The following NAPG variants were observed in gnomAD, a reference collection of about 807,000 sequenced individuals.
NAPG encodes NSF attachment protein gamma.
Under a neutral mutation model 48.4 loss-of-function variants are expected in NAPG, and 25 were observed. The ratio of observed to expected loss-of-function variants is 0.52; its 90% CI spans 0.38 to 0.72. The LOEUF is 0.72. NAPG is among the 30% of genes least tolerant of loss of function. NAPG has a pLI of 0.00. For missense variants in NAPG, 359 were observed against 372.5 expected (o/e 0.96, Z 0.30); for synonymous variants, 139 against 127.2 (o/e 1.09, Z -0.62).
In NAPG at chr18:10,551,970, G is replaced by A. The variant is rs1430205320; in HGVS notation, c.*1750G>A. On this transcript the variant is annotated 3_prime_UTR_variant, in exon 12 of 12. Coordinates refer to ENST00000322897, the MANE Select transcript of NAPG (RefSeq NM_003826.3). ...CATTTGCATTTAAGGACATTGCAGT[G>A]TTTCAAAGATCCCATCATTGCAGCT... 1 of 152,138 alleles carries A rather than the reference G, an allele frequency of 6.6e-6. No individual in the cohort carries two copies. Among genetic ancestry groups the A allele is most frequent in the Non-Finnish European group, 1.5e-5 (1 of 68,032 alleles). 9.4% of individuals were successfully genotyped at this position (152,138 alleles called of 1,614,324 possible).
chr18:10,529,762 A>G (rs760735579), intron 1 of NAPG, among the ~76,000 whole-genome samples: 1 of 152,176 alleles, frequency 6.6e-6, no homozygotes, highest in African/African-American at 2.4e-5. Context: ...CAAGAAAAAA[A>G]AAGAAGCTAT....
At chr18:10,541,684 C>T (rs611684) in intron 8 of NAPG, among the ~76,000 whole-genome samples, 51,563 of 151,982 alleles carry the variant, frequency 0.34, 8,823 homozygotes, top group East Asian at 0.39. Flanking sequence ...TGATGCTCCC[C>T]GACAAGACTC....
At position 10,546,814 on chromosome 18, in the gene NAPG, C is replaced by T. The variant is rs918051968; in HGVS notation, c.585+410C>T. Among the ~76,000 whole-genome samples the T allele has an allele frequency of 5.9e-5, 9 of 152,158 alleles. No homozygotes were observed. The highest frequency in any genetic ancestry group is 1.2e-4 in the Non-Finnish European group (8 of 68,028). On this transcript the variant is annotated intron_variant, in intron 9 of 11. Coordinates refer to ENST00000322897, the MANE Select transcript of NAPG (RefSeq NM_003826.3). This position sits in a 1 kb window ranked among gnomAD's most constrained non-coding sequence, Gnocchi z 4.0. ...GCAACAATGAAAACTCCAAAAGAAA[C>T]CCCGCCTTTCTAACCAGCAATGGGA...
intron 3 of NAPG, chr18:10,533,240 TTCTC>T (rs2031966771): frequency 6.4e-6 from 2 of 313,884 alleles, no homozygotes; most frequent in Non-Finnish European, 1.2e-5. Context: ...TAAAAAATGT[TTCTC>T]TTATTTGCAA....
intron 5 of NAPG, among the ~76,000 whole-genome samples, chr18:10,536,819 T>G (rs1367087174): frequency 6.6e-6 from 1 of 152,208 alleles, no homozygotes; most frequent in Non-Finnish European, 1.5e-5. Flanking sequence ...ACATTATATA[T>G]GTAATTAGTG....
chr18:10,544,938 GT>G lies in NAPG; in HGVS notation c.507-1387del, dbSNP rs1254488592. ...AGATTCAGTTTAACTCATGATGTAAGTAGCCATAATAGCATAAGCCAAGCCA... is the reference window on the plus strand; with the variant it reads ...AGATTCAGTTTAACTCATGATGTAAGAGCCATAATAGCATAAGCCAAGCCA... On this transcript the variant is annotated intron_variant, in intron 8 of 11. Transcript: ENST00000322897. This position sits in a 1 kb window ranked among gnomAD's most constrained non-coding sequence, Gnocchi z 5.1. Among the ~76,000 whole-genome samples the G allele has an allele frequency of 1.3e-5, 2 of 152,144 alleles. No individual in the cohort carries two copies. The highest frequency in any genetic ancestry group is 2.4e-5 in the African/African-American group (1 of 41,424).
At chr18:10,527,546 C>A (rs2031844124) in intron 1 of NAPG, among the ~76,000 whole-genome samples, 1 of 152,064 alleles carries the variant, frequency 6.6e-6, no homozygotes, top group Non-Finnish European at 1.5e-5. Context: ...GGAATAGGGA[C>A]CACAAAAAAG....
rs1412941289 is a variant in NAPG, at chr18:10,546,015, C to T, written c.507-311C>T. On this transcript the variant is annotated intron_variant, in intron 8 of 11. Coordinates refer to ENST00000322897, the MANE Select transcript of NAPG (RefSeq NM_003826.3). This position sits in a 1 kb window ranked among gnomAD's most constrained non-coding sequence, Gnocchi z 4.0. ...ATTTAATCGAAGATCGTCTCAAGTA[C>T]GTATCACGAAGAAGTCGTGACACTC... Among the ~76,000 whole-genome samples the T allele has an allele frequency of 2.6e-5, 4 of 152,194 alleles. No homozygotes were observed. The highest frequency in any genetic ancestry group is 7.2e-5 in the African/African-American group (3 of 41,446).
At chr18:10,540,135 G>A in intron 7 of NAPG, 81 bp downstream of exon 7, 2 of 1,257,160 alleles carry the variant, frequency 1.6e-6, no homozygotes, top group South Asian at 2.9e-5. Context: ...GAAGTGCAGT[G>A]GCTACTTTTA....
intron 3 of NAPG, 185 bp downstream of exon 3, chr18:10,532,980 CA>C (rs2031960546): frequency 1.8e-6 from 1 of 540,622 alleles, no homozygotes; most frequent in South Asian, 2.9e-5. Context: ...TTATAAGGTC[CA>C]CACTGGTTCG....
chr18:10,532,901 T>C (rs2031958593), intron 3 of NAPG, 106 bp downstream of exon 3: 2 of 939,182 alleles, frequency 2.1e-6, no homozygotes, highest in South Asian at 3.5e-5. Context: ...AAAATGTTTT[T>C]AAATTAGAAA....
At chr18:10,538,067 CT>C (rs1182843020) in intron 5 of NAPG, among the ~76,000 whole-genome samples, 1 of 142,764 alleles carries the variant, frequency 7.0e-6, no homozygotes, top group African/African-American at 2.7e-5. Context: ...TTATAACTAG[CT>C]TTTAAACGGT....
At chr18:10,526,239 C>CCTTAGCCCCGGGGGGGGGG in intron 1 of NAPG, 81 bp downstream of exon 1, 7 of 349,030 alleles carry the variant, frequency 2.0e-5, no homozygotes, top group East Asian at 1.4e-4. Flanking sequence ...CCGGGGGGGG[C>CCTTAGCCCCGGGGGGGGGG]GGGAGGGAGG....
chr18:10,539,021 G>A lies in NAPG; in HGVS notation c.259-741G>A, dbSNP rs1230938285. Reference sequence around the variant, plus strand: ...AACAATAGATGCTGGCCAGGCTGTGGAGAAATAGGAAAGTTTTTATACTGT... The same window carrying A: ...AACAATAGATGCTGGCCAGGCTGTGAAGAAATAGGAAAGTTTTTATACTGT... On this transcript the variant is annotated intron_variant, in intron 5 of 11. Transcript: ENST00000322897. This position sits in a 1 kb window ranked among gnomAD's most constrained non-coding sequence, Gnocchi z 4.7. 6.6e-6 allele frequency: 1 copy of A among 152,190 alleles called. No individual in the cohort carries two copies. Among genetic ancestry groups the A allele is most frequent in the East Asian group, 1.9e-4 (1 of 5,180 alleles). The allele number at this position is 152,190 out of a possible 1,614,324, so 9.4% of individuals were successfully genotyped here. A position where few individuals can be genotyped will look rare whatever the true frequency, so the allele number is the denominator to read the frequency against.
Position 10,546,020 on chromosome 18 carries a change from C to CA in NAPG, c.507-305dup, listed in dbSNP as rs1160736327. On this transcript the variant is annotated intron_variant, in intron 8 of 11. Transcript: ENST00000322897. The surrounding 1 kb of genome is among the most constrained non-coding windows in gnomAD (Gnocchi z 4.0). ...ATCGAAGATCGTCTCAAGTACGTAT[C>CA]ACGAAGAAGTCGTGACACTCGCTAT... is the stretch of plus-strand genomic sequence containing the variant. Among the ~76,000 whole-genome samples the CA allele has an allele frequency of 6.6e-6, 1 of 152,180 alleles. No individual in the cohort carries two copies. The highest frequency in any genetic ancestry group is 2.4e-5 in the African/African-American group (1 of 41,452).
chr18:10,527,357 A>G (rs12968077), intron 1 of NAPG, among the ~76,000 whole-genome samples: 59,215 of 151,986 alleles, frequency 0.39, 11,966 homozygotes, highest in African/African-American at 0.5. Context: ...ACTTGCCCCC[A>G]ACTGCACAGG....
In NAPG at chr18:10,526,065, GGTCACC is replaced by G. The variant is rs768870131; in HGVS notation, c.-37_-32del. On this transcript the variant is annotated 5_prime_UTR_variant, in exon 1 of 12. Transcript: ENST00000322897. ...TTCTTGGCGCCGGAGGAAGAGGCAG[GGTCACC>G]CTCTCTCCACGTCAGAGACCTGACT... 1 of 1,602,198 alleles carries G rather than the reference GGTCACC, an allele frequency of 6.2e-7. No individual in the cohort carries two copies. Among genetic ancestry groups the G allele is most frequent in the South Asian group, 1.1e-5 (1 of 90,770 alleles).
Position 10,539,628 on chromosome 18 carries a change from A to G in NAPG, c.259-134A>G, listed in dbSNP as rs1179207876. On this transcript the variant is annotated intron_variant, in intron 5 of 11. Transcript: ENST00000322897. The surrounding 1 kb of genome is among the most constrained non-coding windows in gnomAD (Gnocchi z 4.7). Reference sequence around the variant, plus strand: ...AAACCACCATGGGACATGTATACCTATGTAACAAACCTGCACATTCTGCAC... The same window carrying G: ...AAACCACCATGGGACATGTATACCTGTGTAACAAACCTGCACATTCTGCAC... 9 of 719,406 alleles carry G rather than the reference A, an allele frequency of 1.3e-5. No homozygotes were observed. Among genetic ancestry groups the G allele is most frequent in the East Asian group, 8.1e-5 (3 of 36,884 alleles). The allele number at this position is 719,406 out of a possible 1,614,324, so 44.6% of individuals were successfully genotyped here.
At position 10,542,228 on chromosome 18, in the gene NAPG, T is replaced by G. The variant is rs796505147; in HGVS notation, c.506+1829T>G. Among the ~76,000 whole-genome samples the G allele has an allele frequency of 4.9e-5, 7 of 142,936 alleles. No homozygotes were observed. Among genetic ancestry groups the G allele is most frequent in the African/African-American group, 1.8e-4 (7 of 38,038 alleles). The allele number at this position is 142,936 out of a possible 152,430, so 93.8% of individuals were successfully genotyped here. ...TTTATTCGTGACTTTGTTTTATTGG[T>G]TTTTTTTTTTTCTTTTTAGGAAAAA... On this transcript the variant is annotated intron_variant, in intron 8 of 11. Transcript: ENST00000322897. The surrounding 1 kb of genome is among the most constrained non-coding windows in gnomAD (Gnocchi z 4.5).
Sources: allele counts gnomAD v4.1 joint callset (sites outside exome capture counted in the v4.1 genomes callset), GRCh38; gene constraint gnomAD v4.1.1; non-coding constraint Gnocchi (gnomAD v3.1); transcripts MANE v1.5; gene names NCBI Gene and HGNC (gene_info 2026-07-23, HGNC 2026-07-21).